UGT3A2: variants seen among roughly 807,000 people sequenced by gnomAD.
The protein encoded by UGT3A2 is UDP glycosyltransferase family 3 member A2, also known as UDP-glycosyltransferase 3A2.
A neutral mutation model predicts 39.8 loss-of-function variants in UGT3A2; 32 were observed. The observed-to-expected ratio is 0.80, with a 90% CI of 0.61 to 1.08. UGT3A2 has a LOEUF of 1.08. Among genes scored for constraint, UGT3A2 ranks in the 50% least tolerant of loss-of-function variants. The pLI is 0.00. For synonymous variants in UGT3A2, 241 were observed against 230.7 expected (o/e 1.04, Z -0.40); for missense variants, 611 against 637.1 (o/e 0.96, Z 0.44).
chr5:36,062,713 C>G (rs1742747376), intron 2 of UGT3A2, among the ~76,000 whole-genome samples: 1 of 152,084 alleles, frequency 6.6e-6, no homozygotes, highest in Admixed American at 6.6e-5. Flanking sequence ...TTAGGATTGA[C>G]TTGGCAAAAT....
At chr5:36,062,642 G>A (rs1742744618) in intron 2 of UGT3A2, among the ~76,000 whole-genome samples, 2 of 152,228 alleles carry the variant, frequency 1.3e-5, no homozygotes, top group African/African-American at 2.4e-5. Context: ...TTTGTTTACT[G>A]TAGTCTTGTA....
rs1374474947 is a variant in UGT3A2 at position 36,064,321 on chromosome 5, C to T, written c.124G>A (p.Val42Ile). The T allele has an allele frequency of 1.9e-6, 3 of 1,614,100 alleles. No individual in the cohort carries two copies. Among genetic ancestry groups the T allele is most frequent in the East Asian group, 4.5e-5 (2 of 44,878 alleles). ...GGSHYLLMDRVSQILQDHGHN... is the reference protein window; with the variant it reads ...GGSHYLLMDRISQILQDHGHN... ...CCGTGATCTTGAAGAATCTGAGAAA[C>T]CCGGTCCATCAGTAGATAATGGCTT... The change falls in exon 2 of 7, where the codon GTT (valine) becomes ATT (isoleucine). Residue 42 changes from valine to isoleucine, a missense_variant. Val to Ile is a conservative substitution (Grantham distance 29). Transcript: ENST00000282507.
Position 36,037,899 on chromosome 5 carries a change from A to G in UGT3A2, c.1193T>C (p.Met398Thr), listed in dbSNP as rs1377322307. 5 of 1,613,920 alleles carry G rather than the reference A, an allele frequency of 3.1e-6. No individual in the cohort carries two copies. The highest frequency in any genetic ancestry group is 4.2e-6 in the Non-Finnish European group (5 of 1,179,988). ...AAACTTTTTGGCTTCTACTCGGACC[A>G]TGTTTTCAGGCTGGTCTCCAAAGAG... ...IPLFGDQPENMVRVEAKKFGV... is the reference protein window; with the variant it reads ...IPLFGDQPENTVRVEAKKFGV... Residue 398 changes from methionine (M) to threonine (T), a missense_variant, in exon 6 of 7, where the codon ATG (methionine) becomes ACG (threonine). Transcript: ENST00000282507.
chr5:36,043,527 C>G (rs982862324), intron 4 of UGT3A2, among the ~76,000 whole-genome samples: 2 of 151,434 alleles, frequency 1.3e-5, no homozygotes, highest in African/African-American at 4.8e-5. Flanking sequence ...ATAAAGATCA[C>G]AGCAGAAATA....
chr5:36,036,912 C>T (rs1741848526), intron 6 of UGT3A2, among the ~76,000 whole-genome samples: 1 of 152,210 alleles, frequency 6.6e-6, no homozygotes, highest in African/African-American at 2.4e-5. Flanking sequence ...GATCACTGTG[C>T]TGGATATGCA....
At position 36,036,752 on chromosome 5, in the gene UGT3A2, G is replaced by C. The variant is rs1052855392; in HGVS notation, c.1296-778C>G. ...AAGTCTAAGAACCATGAGCTACGTG[G>C]TTGTTTTAAGTCATCTAGCTAGAAC... On this transcript the variant is annotated intron_variant, in intron 6 of 6. Coordinates refer to ENST00000282507, the MANE Select transcript of UGT3A2 (RefSeq NM_174914.4). Among the ~76,000 whole-genome samples, 2 of 152,212 alleles carry C rather than the reference G, an allele frequency of 1.3e-5. 1 individual carries two copies. Among genetic ancestry groups the C allele is most frequent in the South Asian group, 4.1e-4 (2 of 4,832 alleles).
intron 2 of UGT3A2, among the ~76,000 whole-genome samples, chr5:36,060,467 A>G (rs565675505): frequency 1.3e-5 from 2 of 152,214 alleles, no homozygotes; most frequent in African/African-American, 2.4e-5. Context: ...CCTGTTAGTA[A>G]TAATATGAAC....
At chr5:36,053,239 C>T (rs1742404757) in intron 2 of UGT3A2, among the ~76,000 whole-genome samples, 1 of 152,174 alleles carries the variant, frequency 6.6e-6, no homozygotes, top group South Asian at 2.1e-4. Context: ...TTGTCCCATG[C>T]AAAGTATCAG....
chr5:36,063,493 T>G (rs1742781077), intron 2 of UGT3A2, among the ~76,000 whole-genome samples: 1 of 152,224 alleles, frequency 6.6e-6, no homozygotes, highest in African/African-American at 2.4e-5. Flanking sequence ...CATAGACTCC[T>G]AACTTAGCTG....
In UGT3A2 at chr5:36,064,276, T is replaced by C. The variant is rs1561499442; in HGVS notation, c.169A>G (p.Asn57Asp). Reference sequence around the variant, plus strand: ...GGCATAAAAGGACCTCTTTTGTGGTTAAGCATGGTGACATTATGACCGTGA... The same window carrying C: ...GGCATAAAAGGACCTCTTTTGTGGTCAAGCATGGTGACATTATGACCGTGA... Reference protein sequence around the residue: ...QDHGHNVTMLNHKRGPFMPDF... With the variant: ...QDHGHNVTMLDHKRGPFMPDF... The change falls in exon 2 of 7, where the codon AAC becomes GAC. Residue 57 changes from asparagine (N) to aspartate (D), a missense_variant. Coordinates refer to ENST00000282507, the MANE Select transcript of UGT3A2 (RefSeq NM_174914.4). 6.2e-7 allele frequency: 1 copy of C among 1,614,216 alleles called. No individual in the cohort carries two copies. Among genetic ancestry groups the C allele is most frequent in the Non-Finnish European group, 8.5e-7 (1 of 1,180,032 alleles).
At chr5:36,043,346 G>A (rs773926343) in intron 4 of UGT3A2, among the ~76,000 whole-genome samples, 14 of 151,838 alleles carry the variant, frequency 9.2e-5, no homozygotes, top group Non-Finnish European at 1.8e-4. Flanking sequence ...ATAATGAAAA[G>A]AAAACATACC....
rs150223594 is a variant in UGT3A2 at position 36,035,183 on chromosome 5, C to G, written c.*515G>C. ...CTGTGTCCGGCCCTGAACTCTCAAG[C>G]ACAGGGCAGGCTTCCTGAGCATTGA... On this transcript the variant is annotated 3_prime_UTR_variant, in exon 7 of 7. Transcript: ENST00000282507. 1.2e-5 allele frequency: 2 copies of G among 163,844 alleles called. No individual in the cohort carries two copies. The highest frequency in any genetic ancestry group is 4.8e-5 in the African/African-American group (2 of 41,794). The allele number at this position is 163,844 out of a possible 1,614,324, so 10.1% of individuals were successfully genotyped here.
At chr5:36,042,702 G>A (rs1234955459) in intron 4 of UGT3A2, among the ~76,000 whole-genome samples, 1 of 152,052 alleles carries the variant, frequency 6.6e-6, no homozygotes, top group African/African-American at 2.4e-5. Context: ...GATATTCCAT[G>A]AAAGTGGAAA....
At chr5:36,054,536 G>A (rs1335726237) in intron 2 of UGT3A2, among the ~76,000 whole-genome samples, 1 of 152,178 alleles carries the variant, frequency 6.6e-6, no homozygotes, top group Non-Finnish European at 1.5e-5. Flanking sequence ...TCAAGTGTGG[G>A]TGAGAGTCTG....
At chr5:36,054,786 C>G (rs552446642) in intron 2 of UGT3A2, among the ~76,000 whole-genome samples, 7 of 152,314 alleles carry the variant, frequency 4.6e-5, no homozygotes, top group African/African-American at 1.7e-4. Flanking sequence ...TGTGGTTTGG[C>G]TCAGCCTTCT....
At chr5:36,042,993 A>G (rs1203610747) in intron 4 of UGT3A2, among the ~76,000 whole-genome samples, 6 of 152,084 alleles carry the variant, frequency 3.9e-5, no homozygotes, top group Admixed American at 6.5e-5. Context: ...AAAATCAACA[A>G]AGAAACATTG....
At chr5:36,062,741 G>C (rs962588494) in intron 2 of UGT3A2, among the ~76,000 whole-genome samples, 2 of 152,070 alleles carry the variant, frequency 1.3e-5, no homozygotes, top group African/African-American at 4.8e-5. Flanking sequence ...AGAAAATGTA[G>C]ATTAAAAAAT....
intron 2 of UGT3A2, among the ~76,000 whole-genome samples, chr5:36,060,648 C>G (rs771025519): frequency 6.6e-6 from 1 of 152,152 alleles, no homozygotes; most frequent in Non-Finnish European, 1.5e-5. Flanking sequence ...TTCATTTTTA[C>G]GTTCGTCATC....
intron 3 of UGT3A2, among the ~76,000 whole-genome samples, chr5:36,050,506 A>C (rs1561493674): frequency 6.6e-6 from 1 of 152,246 alleles, no homozygotes. Context: ...GGCTGAAGTC[A>C]TCCTCTGTTG....
Sources: gnomAD v4.1 joint callset for allele counts (sites outside exome capture counted in the v4.1 genomes callset) on GRCh38, gnomAD v4.1.1 for gene constraint, MANE v1.5 for transcripts, NCBI Gene and HGNC (gene_info 2026-07-23, HGNC 2026-07-21) for gene names.